PTPRT: variants seen among roughly 807,000 people sequenced by gnomAD.
The protein encoded by PTPRT is receptor-type tyrosine-protein phosphatase T.
Under a neutral mutation model 176.8 loss-of-function variants are expected in PTPRT, and 56 were observed. That is an observed-to-expected ratio of 0.32 (90% confidence interval 0.26 to 0.40). The LOEUF (loss-of-function observed/expected upper bound fraction) is 0.40. Among genes scored for constraint, PTPRT ranks in the 10% least tolerant of loss-of-function variants. The pLI is 1.00. For missense variants in PTPRT, 1,540 were observed against 1,908.2 expected (o/e 0.81, Z 3.60); for synonymous variants, 783 against 739.0 (o/e 1.06, Z -0.96).
At chr20:42,169,640 T>C (rs971365667) in intron 16 of PTPRT, among the ~76,000 whole-genome samples, 5 of 151,588 alleles carry the variant, frequency 3.3e-5, no homozygotes, top group African/African-American at 9.7e-5. Context: ...TCCTTTAAAG[T>C]TAAATAAACA....
chr20:42,765,764 T>C (rs182882005), intron 5 of PTPRT, among the ~76,000 whole-genome samples: 13 of 152,170 alleles, frequency 8.5e-5, no homozygotes, highest in South Asian at 2.1e-4. Flanking sequence ...CTTAATATTA[T>C]ATGACTCTAT....
intron 9 of PTPRT, among the ~76,000 whole-genome samples, chr20:42,383,818 G>A (rs773310408): frequency 2.6e-5 from 4 of 152,176 alleles, no homozygotes; most frequent in East Asian, 1.9e-4. Context: ...CTCCATCAGG[G>A]AGATAAAGTG....
In PTPRT at chr20:42,084,709, C is replaced by A; in HGVS notation, c.4109G>T (p.Arg1370Met). Residue 1370 changes from arginine to methionine, a missense_variant, in exon 29 of 31, where the codon AGG (arginine) becomes ATG (methionine). By Grantham distance (91) the Arg-to-Met change is moderately conservative (BLOSUM62 -1). Around this residue, in one of 11 missense-constraint regions of PTPRT, gnomAD observed 342 missense variants for 394.0 expected, o/e 0.87. Coordinates refer to ENST00000373187, the MANE Select transcript of PTPRT (RefSeq NM_007050.6). The part of the protein sequence containing the change: ...LEKWQEQYDG[R>M]EGRTVVHCLN... ...GCAGTGGACCACAGTACGTCCCTCCCTCCCGTCATACTGCTCCTGCCACTT... is the reference window on the plus strand; with the variant it reads ...GCAGTGGACCACAGTACGTCCCTCCATCCCGTCATACTGCTCCTGCCACTT... 2 of 1,552,950 alleles carry A rather than the reference C, an allele frequency of 1.3e-6. No individual in the cohort carries two copies. The highest frequency in any genetic ancestry group is 8.7e-7 in the Non-Finnish European group (1 of 1,144,816).
chr20:43,003,159 G>A (rs756795989), intron 1 of PTPRT, among the ~76,000 whole-genome samples: 3 of 151,884 alleles, frequency 2.0e-5, no homozygotes, highest in Non-Finnish European at 4.4e-5. Flanking sequence ...CATTGTCTAG[G>A]GTAATTCTTG....
chr20:43,152,568 A>G (rs2000137), intron 1 of PTPRT, among the ~76,000 whole-genome samples: 85,148 of 151,974 alleles, frequency 0.56, 26,039 homozygotes, highest in Middle Eastern at 0.68. Context: ...CAAGGTCCTC[A>G]GCACATAGTA....
chr20:42,129,890 A>T (rs1988045862), intron 18 of PTPRT, among the ~76,000 whole-genome samples: 1 of 152,214 alleles, frequency 6.6e-6, no homozygotes, highest in Non-Finnish European at 1.5e-5. Context: ...CTGCACCTTT[A>T]AAAGGTCCTG....
chr20:43,080,232 A>G (rs926749628), intron 1 of PTPRT, among the ~76,000 whole-genome samples: 1 of 152,010 alleles, frequency 6.6e-6, no homozygotes, highest in Non-Finnish European at 1.5e-5. Context: ...GCTTCTATTG[A>G]TTTTTCCTGT....
intron 1 of PTPRT, among the ~76,000 whole-genome samples, chr20:43,113,319 G>C (rs2012937937): frequency 6.6e-6 from 1 of 152,160 alleles, no homozygotes; most frequent in Admixed American, 6.5e-5. Flanking sequence ...ATACAAAGCT[G>C]TTTAATTCTC....
intron 7 of PTPRT, among the ~76,000 whole-genome samples, chr20:42,659,101 A>G (rs979205778): frequency 2.6e-5 from 4 of 151,954 alleles, no homozygotes; most frequent in Non-Finnish European, 4.4e-5. Flanking sequence ...TATTTTTTTC[A>G]TCATTGCTAC....
At chr20:42,679,704 A>G (rs1340575048) in intron 6 of PTPRT, among the ~76,000 whole-genome samples, 1 of 139,110 alleles carries the variant, frequency 7.2e-6, no homozygotes, top group Non-Finnish European at 1.6e-5. Flanking sequence ...TCCTTCACTT[A>G]TATTGTAAGG....
At position 42,831,016 on chromosome 20, in the gene PTPRT, A is replaced by G. The variant is rs540160411; in HGVS notation, c.215-39550T>C. ...AACTACCAGTGATGTTCTTCACAGA[A>G]CTAGAAAAATCTATTTTAATATTCA... On this transcript the variant is annotated intron_variant, in intron 2 of 30. Transcript: ENST00000373187. Among the ~76,000 whole-genome samples, 28 of 152,230 alleles carry G rather than the reference A, an allele frequency of 1.8e-4. 1 individual carries two copies. Among genetic ancestry groups the G allele is most frequent in the Non-Finnish European group, 3.7e-4 (25 of 68,040 alleles).
intron 9 of PTPRT, among the ~76,000 whole-genome samples, chr20:42,402,584 C>T (rs2058919742): frequency 1.3e-5 from 2 of 151,010 alleles, no homozygotes; most frequent in Non-Finnish European, 2.9e-5. Context: ...CAATGACCCA[C>T]ATCCAATAAT....
intron 20 of PTPRT, among the ~76,000 whole-genome samples, chr20:42,119,388 T>C (rs1987468832): frequency 6.6e-6 from 1 of 152,230 alleles, no homozygotes; most frequent in Non-Finnish European, 1.5e-5. Flanking sequence ...CTATTATAGA[T>C]AACACCGTGA....
intron 14 of PTPRT, among the ~76,000 whole-genome samples, chr20:42,240,878 G>A (rs2056340502): frequency 6.6e-6 from 1 of 152,210 alleles, no homozygotes; most frequent in African/African-American, 2.4e-5. Context: ...GAGAGAGCCA[G>A]ACTAGCAAAT....
chr20:42,916,055 C>T (rs964311570), intron 1 of PTPRT, among the ~76,000 whole-genome samples: 1 of 151,986 alleles, frequency 6.6e-6, no homozygotes, highest in Non-Finnish European at 1.5e-5. Context: ...TGTTGGTGTG[C>T]TGTACCCATT....
intron 13 of PTPRT, among the ~76,000 whole-genome samples, chr20:42,251,507 G>C (rs186990201): frequency 2.2e-4 from 34 of 152,110 alleles, no homozygotes; most frequent in African/African-American, 8.2e-4. Flanking sequence ...CTTGAACCCT[G>C]TTAAGGTTTG....
At chr20:42,561,282 T>C (rs992525818) in intron 7 of PTPRT, among the ~76,000 whole-genome samples, 7 of 152,214 alleles carry the variant, frequency 4.6e-5, no homozygotes, top group Admixed American at 6.5e-5. Flanking sequence ...CCTGCAATCA[T>C]TGCCCATTTT....
intron 13 of PTPRT, among the ~76,000 whole-genome samples, chr20:42,260,191 G>C (rs1040853210): frequency 6.6e-6 from 1 of 152,134 alleles, no homozygotes; most frequent in South Asian, 2.1e-4. Context: ...TGATTTCCAC[G>C]TCATCCATGG....
intron 1 of PTPRT, among the ~76,000 whole-genome samples, chr20:42,923,849 T>TC (rs1195162894): frequency 2.6e-5 from 4 of 152,012 alleles, no homozygotes; most frequent in African/African-American, 9.7e-5. Context: ...TCTTTTCTTT[T>TC]TTTTTTCCTT....
Sources: allele counts gnomAD v4.1 joint callset (sites outside exome capture counted in the v4.1 genomes callset), GRCh38; gene constraint gnomAD v4.1.1; regional missense constraint gnomAD v4.1.1; transcripts MANE v1.5; gene names NCBI Gene and HGNC (gene_info 2026-07-23, HGNC 2026-07-21).